The following ZNF703 variants were observed in gnomAD, a reference collection of about 807,000 sequenced individuals.
ZNF703 encodes zinc finger protein 703.
A neutral mutation model predicts 30.7 loss-of-function variants in ZNF703; 18 were observed. The observed-to-expected ratio is 0.59, with a 90% CI of 0.40 to 0.87. The LOEUF (loss-of-function observed/expected upper bound fraction) is 0.87, where lower values mean the gene tolerates loss of function less well. Among genes scored for constraint, ZNF703 ranks in the 40% least tolerant of loss-of-function variants. The probability of loss-of-function intolerance (pLI) is 0.00; values close to 1 mark genes in which losing one functional copy is unlikely to be tolerated. For missense variants in ZNF703, 814 were observed against 847.8 expected, an observed-to-expected ratio of 0.96 and a Z score of 0.50; for synonymous variants, 457 against 438.6, an observed-to-expected ratio of 1.04 and a Z score of -0.52.
chr8:37,695,950 C>T lies in ZNF703; in HGVS notation c.-30C>T. 1 of 1,465,348 alleles carries T rather than the reference C, an allele frequency of 6.8e-7. No homozygotes were observed. Among genetic ancestry groups the T allele is most frequent in the Non-Finnish European group, 9.0e-7 (1 of 1,106,602 alleles). The allele number at this position is 1,465,348 out of a possible 1,614,324, so 90.8% of individuals were successfully genotyped here. On this transcript the variant is annotated 5_prime_UTR_variant, in exon 1 of 2. Coordinates refer to ENST00000331569, the MANE Select transcript of ZNF703 (RefSeq NM_025069.3). ...CCTCCCCGGTGCTCCCCCGCCCTCC[C>T]CGCCCCCCCAGCGGCGCTGCCTCCT... is the stretch of plus-strand genomic sequence containing the variant.
Position 37,698,731 on chromosome 8 carries a change from C to G in ZNF703, c.*57C>G. 7.4e-7 allele frequency: 1 copy of G among 1,355,494 alleles called. No homozygotes were observed. Among genetic ancestry groups the G allele is most frequent in the South Asian group, 2.0e-5 (1 of 49,648 alleles). 84.0% of individuals were successfully genotyped at this position (1,355,494 alleles called of 1,614,324 possible). On this transcript the variant is annotated 3_prime_UTR_variant, in exon 2 of 2. Transcript: ENST00000331569. Reference sequence around the variant, plus strand: ...CCCTCCTCCCTCTCCCTCCTCCTCCCTCCCCACCTGCCGTCGCCGCTGCAA... The same window carrying G: ...CCCTCCTCCCTCTCCCTCCTCCTCCGTCCCCACCTGCCGTCGCCGCTGCAA...
rs1280664010 is a variant in ZNF703 at position 37,698,156 on chromosome 8, C to A, written c.1255C>A (p.Pro419Thr). 6.0e-6 allele frequency: 9 copies of A among 1,509,294 alleles called. No homozygotes were observed. The highest frequency in any genetic ancestry group is 8.0e-6 in the Non-Finnish European group (9 of 1,130,614). 93.5% of individuals were successfully genotyped at this position (1,509,294 alleles called of 1,614,324 possible). ...GGCGGGGGGCTACCCGCTGGTGTACCCCGGGCACCCGCTGCAGCCCGCCGC... is the reference window on the plus strand; with the variant it reads ...GGCGGGGGGCTACCCGCTGGTGTACACCGGGCACCCGCTGCAGCCCGCCGC... The part of the protein sequence containing the change: ...LKAGGYPLVY[P>T]GHPLQPAALS... The change falls in exon 2 of 2, where the codon CCC becomes ACC. Residue 419 changes from proline to threonine, a missense_variant. Physicochemically the swap from Pro to Thr is conservative, Grantham distance 38. Coordinates refer to ENST00000331569, the MANE Select transcript of ZNF703 (RefSeq NM_025069.3).
chr8:37,698,557 C>G lies in ZNF703; in HGVS notation c.1656C>G (p.His552Gln). Residue 552 changes from histidine to glutamine, a missense_variant, in exon 2 of 2, where the codon CAC (histidine) becomes CAG (glutamine). By Grantham distance (24) the His-to-Gln change is conservative (BLOSUM62 0). Transcript: ENST00000331569. Reference protein sequence around the residue: ...LSRYHPYGKSHLSTAGGLAVP... With the variant: ...LSRYHPYGKSQLSTAGGLAVP... ...GGTACCACCCCTATGGCAAGAGCCA[C>G]TTATCCACAGCGGGGGGCCTGGCCG... The G allele has an allele frequency of 6.4e-7, 1 of 1,571,444 alleles. No homozygotes were observed. The highest frequency in any genetic ancestry group is 8.6e-7 in the Non-Finnish European group (1 of 1,161,848).
At position 37,698,623 on chromosome 8, in the gene ZNF703, C is replaced by T. The variant is rs1363587684; in HGVS notation, c.1722C>T (p.Tyr574=). The T allele has an allele frequency of 5.2e-6, 8 of 1,541,390 alleles. No homozygotes were observed. Among genetic ancestry groups the T allele is most frequent in the East Asian group, 2.6e-5 (1 of 38,446 alleles). The change falls in exon 2 of 2, where the codon TAC becomes TAT. Residue 574 remains tyrosine, a synonymous_variant. Coordinates refer to ENST00000331569, the MANE Select transcript of ZNF703 (RefSeq NM_025069.3). ...CAGCCGGACCCTACTATTCGCCATA[C>T]GCGCTGTATGGACAGAGACTAGCTT... ...LPTAGPYYSP[Y]ALYGQRLASA...
rs1323852361 is a variant in ZNF703 at position 37,696,967 on chromosome 8, G to A, written c.244-178G>A. 1.3e-5 allele frequency among the ~76,000 whole-genome samples: 2 copies of A among 152,042 alleles called. No homozygotes were observed. Among genetic ancestry groups the A allele is most frequent in the Non-Finnish European group, 1.5e-5 (1 of 67,974 alleles). On this transcript the variant is annotated intron_variant, in intron 1 of 1. Coordinates refer to ENST00000331569, the MANE Select transcript of ZNF703 (RefSeq NM_025069.3). This position sits in a 1 kb window ranked among gnomAD's most constrained non-coding sequence, Gnocchi z 8.2. ...CCTGCGGCGCACCCCGGGACCCAGC[G>A]GCAGTGTGGGCGCAGTTCCGCCAGC...
In ZNF703 at chr8:37,697,949, C is replaced by T; in HGVS notation, c.1048C>T (p.Leu350=). ...CGTGGGAGGCCAGCTGTCTGGGGGCCTGGGCCTGCCGCCGGGCAAGCCCCC... is the reference window on the plus strand; with the variant it reads ...CGTGGGAGGCCAGCTGTCTGGGGGCTTGGGCCTGCCGCCGGGCAAGCCCCC... ...GLVGGQLSGG[L]GLPPGKPPSS... is the part of the protein sequence containing the mutation. The change falls in exon 2 of 2, where the codon CTG becomes TTG. Residue 350 remains leucine (L), a synonymous_variant. Transcript: ENST00000331569. 1 of 1,553,372 alleles carries T rather than the reference C, an allele frequency of 6.4e-7. No individual in the cohort carries two copies. Among genetic ancestry groups the T allele is most frequent in the East Asian group, 2.4e-5 (1 of 42,184 alleles).
chr8:37,698,074 C>T lies in ZNF703; in HGVS notation c.1173C>T (p.Leu391=), dbSNP rs893424509. The change falls in exon 2 of 2, where the codon CTC becomes CTT. Residue 391 remains leucine, a synonymous_variant. Transcript: ENST00000331569. Reference sequence around the variant, plus strand: ...GAGGTTACCACGGCGCCTCGCACCTCGGCGGCTCCAGCTGCTCCACCTGCA... The same window carrying T: ...GAGGTTACCACGGCGCCTCGCACCTTGGCGGCTCCAGCTGCTCCACCTGCA... ...CLGGYHGASH[L]GGSSCSTCSA... The T allele has an allele frequency of 1.3e-6, 2 of 1,545,354 alleles. No homozygotes were observed. Among genetic ancestry groups the T allele is most frequent in the Admixed American group, 1.9e-5 (1 of 52,470 alleles).
rs1400428572 is a variant in ZNF703 at position 37,699,075 on chromosome 8, A to C, written c.*401A>C. On this transcript the variant is annotated 3_prime_UTR_variant, in exon 2 of 2. Coordinates refer to ENST00000331569, the MANE Select transcript of ZNF703 (RefSeq NM_025069.3). ...AGTTGGGGTCTTTGGGTTCTTCTAG[A>C]CGTTTTGTTTTCCCTTCCTGGGGAG... is the stretch of plus-strand genomic sequence containing the variant. 1 of 164,574 alleles carries C rather than the reference A, an allele frequency of 6.1e-6. No individual in the cohort carries two copies. Among genetic ancestry groups the C allele is most frequent in the Non-Finnish European group, 1.3e-5 (1 of 77,258 alleles). The allele number at this position is 164,574 out of a possible 1,614,324, so 10.2% of individuals were successfully genotyped here.
chr8:37,697,876 CT>C lies in ZNF703; in HGVS notation c.976del (p.Tyr326ThrfsTer84). Reference protein sequence around the residue: ...HGSIVGAYAGYPSQFVPGLDP... With the variant: ...HGSIVGAYAGXPSQFVPGLDP... ...GCTCCATCGTGGGCGCCTACGCCGGCTACCCGTCTCAGTTCGTGCCTGGCCT... is the reference window on the plus strand; with the variant it reads ...GCTCCATCGTGGGCGCCTACGCCGGCACCCGTCTCAGTTCGTGCCTGGCCT... On this transcript the variant is annotated frameshift_variant, in exon 2 of 2. Coordinates refer to ENST00000331569, the MANE Select transcript of ZNF703 (RefSeq NM_025069.3). LOFTEE classifies it high-confidence loss of function. 6.4e-7 allele frequency: 1 copy of C among 1,551,010 alleles called. No homozygotes were observed. Among genetic ancestry groups the C allele is most frequent in the Non-Finnish European group, 8.7e-7 (1 of 1,154,546 alleles).
At position 37,695,814 on chromosome 8, in the gene ZNF703, G is replaced by A; in HGVS notation, c.-166G>A. ...GTGTTGCTAGCCGGGGCCAGCGGCG[G>A]TGGCGGCGGCGGCGGAGGCGTCGGT... On this transcript the variant is annotated 5_prime_UTR_variant, in exon 1 of 2. The change creates a new upstream start codon in the 5' untranslated region. Transcript: ENST00000331569. The A allele has an allele frequency of 1.8e-6, 1 of 570,830 alleles. No individual in the cohort carries two copies. The highest frequency in any genetic ancestry group is 2.8e-6 in the Non-Finnish European group (1 of 358,484). 35.4% of individuals were successfully genotyped at this position (570,830 alleles called of 1,614,324 possible). A position where few individuals can be genotyped will look rare whatever the true frequency, so the allele number is the denominator to read the frequency against.
At position 37,696,689 on chromosome 8, in the gene ZNF703, C is replaced by T. The variant is rs938432973; in HGVS notation, c.244-456C>T. Among the ~76,000 whole-genome samples, 1 of 152,156 alleles carries T rather than the reference C, an allele frequency of 6.6e-6. No individual in the cohort carries two copies. Among genetic ancestry groups the T allele is most frequent in the Non-Finnish European group, 1.5e-5 (1 of 68,008 alleles). On this transcript the variant is annotated intron_variant, in intron 1 of 1. Coordinates refer to ENST00000331569, the MANE Select transcript of ZNF703 (RefSeq NM_025069.3). This position sits in a 1 kb window ranked among gnomAD's most constrained non-coding sequence, Gnocchi z 8.2. ...TTTCTTCCTGCCTCTTCCCTGGGTG[C>T]CCTCCCCGGGAGGGAGGGGCTACGG...
Position 37,696,808 on chromosome 8 carries a change from C to T in ZNF703, c.244-337C>T, listed in dbSNP as rs917229683. On this transcript the variant is annotated intron_variant, in intron 1 of 1. Coordinates refer to ENST00000331569, the MANE Select transcript of ZNF703 (RefSeq NM_025069.3). The surrounding 1 kb of genome is among the most constrained non-coding windows in gnomAD (Gnocchi z 8.2). ...CAGAAACCCGTCCCAAGCGAAGTTCCCCCAAACTAAAGGAATAAGTTTTTT... is the reference window on the plus strand; with the variant it reads ...CAGAAACCCGTCCCAAGCGAAGTTCTCCCAAACTAAAGGAATAAGTTTTTT... Among the ~76,000 whole-genome samples, 1 of 152,208 alleles carries T rather than the reference C, an allele frequency of 6.6e-6. No individual in the cohort carries two copies. The highest frequency in any genetic ancestry group is 1.5e-5 in the Non-Finnish European group (1 of 68,034).
Position 37,699,113 on chromosome 8 carries a change from G to A in ZNF703, c.*439G>A, listed in dbSNP as rs760005949. ...CCTTCCTGGGGAGTTTCTTGCATGA[G>A]TCTTAACTTAAAACTACGTTTCCGC... is the stretch of plus-strand genomic sequence containing the variant. On this transcript the variant is annotated 3_prime_UTR_variant, in exon 2 of 2. Transcript: ENST00000331569. 6.3e-5 allele frequency: 10 copies of A among 158,316 alleles called. No individual in the cohort carries two copies. The highest frequency in any genetic ancestry group is 1.4e-4 in the Non-Finnish European group (10 of 72,588). The allele number at this position is 158,316 out of a possible 1,614,324, so 9.8% of individuals were successfully genotyped here. A position where few individuals can be genotyped will look rare whatever the true frequency, so the allele number is the denominator to read the frequency against.
In ZNF703 at chr8:37,698,900, C is replaced by G. The variant is rs1802123050; in HGVS notation, c.*226C>G. The G allele has an allele frequency of 2.5e-6, 1 of 398,984 alleles. No homozygotes were observed. The highest frequency in any genetic ancestry group is 4.4e-6 in the Non-Finnish European group (1 of 227,984). 24.7% of individuals were successfully genotyped at this position (398,984 alleles called of 1,614,324 possible). A position where few individuals can be genotyped will look rare whatever the true frequency, so the allele number is the denominator to read the frequency against. On this transcript the variant is annotated 3_prime_UTR_variant, in exon 2 of 2. Transcript: ENST00000331569. ...CATGAGTCAATGGTATGCAAAAAGT[C>G]TGTGTTCTCCCAAATAATAATATTA...
chr8:37,697,180 TCAGACCTGCTCG>T lies in ZNF703; in HGVS notation c.284_295del (p.Thr95_Gln98del). 1 of 1,593,416 alleles carries T rather than the reference TCAGACCTGCTCG, an allele frequency of 6.3e-7. No individual in the cohort carries two copies. Among genetic ancestry groups the T allele is most frequent in the Non-Finnish European group, 8.5e-7 (1 of 1,172,574 alleles). ...AGAAGAGCCCCTTGGCGCTGCTGGC[TCAGACCTGCTCG>T]CAGATCGGCAAGCCGGACCCGCCGC... On this transcript the variant is annotated inframe_deletion, in exon 2 of 2. Coordinates refer to ENST00000331569, the MANE Select transcript of ZNF703 (RefSeq NM_025069.3).
intron 1 of ZNF703, 115 bp from the exon 2 acceptor site, chr8:37,697,030 C>A: frequency 7.9e-7 from 1 of 1,269,482 alleles, no homozygotes. Context: ...CAGACCCTCT[C>A]CCCAGGCCCG....
Position 37,697,962 on chromosome 8 carries a change from CG to C in ZNF703, c.1064del (p.Gly355AlafsTer55), listed in dbSNP as rs1802101455. 1 of 1,555,578 alleles carries C rather than the reference CG, an allele frequency of 6.4e-7. No individual in the cohort carries two copies. The highest frequency in any genetic ancestry group is 1.9e-5 in the Admixed American group (1 of 53,798). On this transcript the variant is annotated frameshift_variant, in exon 2 of 2. Coordinates refer to ENST00000331569, the MANE Select transcript of ZNF703 (RefSeq NM_025069.3). LOFTEE classifies it high-confidence loss of function. The stretch of plus-strand genomic sequence containing the variant: ...CTGTCTGGGGGCCTGGGCCTGCCGC[CG>C]GGCAAGCCCCCCAGCTCCAGCCCGC... ...GQLSGGLGLP[P>X]GKPPSSSPLT...
At position 37,695,951 on chromosome 8, in the gene ZNF703, CG is replaced by C; in HGVS notation, c.-28del. ...CTCCCCGGTGCTCCCCCGCCCTCCCCGCCCCCCCAGCGGCGCTGCCTCCTCC... is the reference window on the plus strand; with the variant it reads ...CTCCCCGGTGCTCCCCCGCCCTCCCCCCCCCCCAGCGGCGCTGCCTCCTCC... On this transcript the variant is annotated 5_prime_UTR_variant, in exon 1 of 2. Transcript: ENST00000331569. The C allele has an allele frequency of 6.8e-7, 1 of 1,466,308 alleles. No homozygotes were observed. The highest frequency in any genetic ancestry group is 9.0e-7 in the Non-Finnish European group (1 of 1,107,202). 90.8% of individuals were successfully genotyped at this position (1,466,308 alleles called of 1,614,324 possible).
In ZNF703 at chr8:37,698,790, C is replaced by A; in HGVS notation, c.*116C>A. On this transcript the variant is annotated 3_prime_UTR_variant, in exon 2 of 2. Transcript: ENST00000331569. ...ACTGCTTGACCCTGCCGGGATTCCC[C>A]ACCCAGCCCTTCCCCACCGGACTGT... The A allele has an allele frequency of 1.1e-6, 1 of 888,900 alleles. No homozygotes were observed. Among genetic ancestry groups the A allele is most frequent in the Non-Finnish European group, 1.5e-6 (1 of 652,084 alleles). 55.1% of individuals were successfully genotyped at this position (888,900 alleles called of 1,614,324 possible). A position where few individuals can be genotyped will look rare whatever the true frequency, so the allele number is the denominator to read the frequency against.
Sources: gnomAD v4.1 joint callset for allele counts (sites outside exome capture counted in the v4.1 genomes callset) on GRCh38, gnomAD v4.1.1 for gene constraint, Gnocchi (gnomAD v3.1) non-coding constraint, MANE v1.5 for transcripts, NCBI Gene and HGNC (gene_info 2026-07-23, HGNC 2026-07-21) for gene names.